The following SEMA5A variants were observed in gnomAD, a reference collection of about 807,000 sequenced individuals.
SEMA5A encodes semaphorin 5A, also known as semaphorin-5A.
Under a neutral mutation model 135.5 loss-of-function variants are expected in SEMA5A, and 55 were observed. The ratio of observed to expected loss-of-function variants is 0.41; its 90% CI spans 0.33 to 0.51. The LOEUF (loss-of-function observed/expected upper bound fraction) is 0.51, where lower values mean the gene tolerates loss of function less well. Among genes scored for constraint, SEMA5A ranks in the 20% least tolerant of loss-of-function variants. The pLI is 0.37. For synonymous variants in SEMA5A, 580 were observed against 546.5 expected, an observed-to-expected ratio of 1.06 and a Z score of -0.85; for missense variants, 1,290 against 1,419.9, an observed-to-expected ratio of 0.91 and a Z score of 1.47.
At chr5:9,538,302 T>C (rs1311844932) in intron 1 of SEMA5A, among the ~76,000 whole-genome samples, 1 of 152,022 alleles carries the variant, frequency 6.6e-6, no homozygotes, top group Non-Finnish European at 1.5e-5. Flanking sequence ...TGGGAAACAC[T>C]CCCCTTTAAA....
intron 16 of SEMA5A, among the ~76,000 whole-genome samples, chr5:9,070,303 G>A (rs532275063): frequency 7.2e-5 from 11 of 152,214 alleles, no homozygotes; most frequent in Non-Finnish European, 1.2e-4. Context: ...TCTGGGAGGC[G>A]GAGGTTGCAG....
At chr5:9,241,698 C>A (rs560976822) in intron 5 of SEMA5A, among the ~76,000 whole-genome samples, 3 of 152,054 alleles carry the variant, frequency 2.0e-5, no homozygotes, top group African/African-American at 4.8e-5. Context: ...AGACATACTA[C>A]GGTTAGGATA....
At chr5:9,502,838 G>A (rs535391642) in intron 1 of SEMA5A, among the ~76,000 whole-genome samples, 7 of 152,260 alleles carry the variant, frequency 4.6e-5, no homozygotes, top group East Asian at 1.9e-4. Context: ...ACAGAGTGAC[G>A]GAGAAGGAAG....
intron 16 of SEMA5A, among the ~76,000 whole-genome samples, chr5:9,068,526 T>C (rs1249401442): frequency 6.6e-6 from 1 of 152,178 alleles, no homozygotes; most frequent in Non-Finnish European, 1.5e-5. Flanking sequence ...CCCAGTTAAC[T>C]GAGCCCAGTG....
chr5:9,345,220 C>T (rs1276993046), intron 3 of SEMA5A, among the ~76,000 whole-genome samples: 2 of 152,182 alleles, frequency 1.3e-5, no homozygotes, highest in Non-Finnish European at 2.9e-5. Context: ...TGCTTCCTAA[C>T]ATTCCTCTTA....
intron 16 of SEMA5A, among the ~76,000 whole-genome samples, chr5:9,099,534 A>C (rs1739508363): frequency 6.6e-6 from 1 of 152,200 alleles, no homozygotes; most frequent in Non-Finnish European, 1.5e-5. Flanking sequence ...AACCTTCTTC[A>C]TAAAGGTCAA....
At chr5:9,394,575 G>A (rs996883169) in intron 2 of SEMA5A, among the ~76,000 whole-genome samples, 77 of 152,058 alleles carry the variant, frequency 5.1e-4, no homozygotes, top group African/African-American at 1.7e-3. Flanking sequence ...ACAACCAACC[G>A]AGCAATAACA....
At chr5:9,535,402 T>C (rs1737704353) in intron 1 of SEMA5A, among the ~76,000 whole-genome samples, 1 of 152,164 alleles carries the variant, frequency 6.6e-6, no homozygotes, top group South Asian at 2.1e-4. Context: ...ACAGCCAAGA[T>C]GGGCTGCCTG....
intron 1 of SEMA5A, among the ~76,000 whole-genome samples, chr5:9,440,405 CAT>C (rs1375934198): frequency 6.6e-6 from 1 of 152,212 alleles, no homozygotes; most frequent in Admixed American, 6.5e-5. Flanking sequence ...TTTTTATAAA[CAT>C]ATAAATTTCT....
intron 2 of SEMA5A, among the ~76,000 whole-genome samples, chr5:9,396,341 A>G (rs1379100437): frequency 1.3e-5 from 2 of 152,040 alleles, no homozygotes; most frequent in Non-Finnish European, 2.9e-5. Flanking sequence ...CCTCTAGGAC[A>G]TTCTCCAAAG....
At chr5:9,353,396 G>GGAAAGGAAA (rs1754299945) in intron 3 of SEMA5A, among the ~76,000 whole-genome samples, 1 of 88,668 alleles carries the variant, frequency 1.1e-5, no homozygotes, top group Non-Finnish European at 2.5e-5. Flanking sequence ...AGGAAAGGAA[G>GGAAAGGAAA]GGAAAGAAAG....
At chr5:9,469,372 G>T (rs191566039) in intron 1 of SEMA5A, among the ~76,000 whole-genome samples, 1 of 152,192 alleles carries the variant, frequency 6.6e-6, no homozygotes, top group African/African-American at 2.4e-5. Context: ...CTAGATTTTA[G>T]TTATGCGGAA....
intron 2 of SEMA5A, among the ~76,000 whole-genome samples, chr5:9,398,051 G>A (rs2126554115): frequency 6.6e-6 from 1 of 152,238 alleles, no homozygotes; most frequent in South Asian, 2.1e-4. Flanking sequence ...ATAAAATAGA[G>A]TGCAATGATA....
rs533399762 is a variant in SEMA5A, at chr5:9,318,259, G to T, written c.270+113C>A. 4.1e-6 allele frequency: 4 copies of T among 978,124 alleles called. No homozygotes were observed. In the East Asian group the frequency reaches 7.7e-5, roughly 19 times the overall value. 60.6% of individuals were successfully genotyped at this position (978,124 alleles called of 1,614,324 possible). A position where few individuals can be genotyped will look rare whatever the true frequency, so the allele number is the denominator to read the frequency against. ...CCGTGGCCTGACCTGCTGAGGAAAC[G>T]AGCCCCTGCTCAGGCTGGATTAACA... is the stretch of plus-strand genomic sequence containing the variant. On this transcript the variant is annotated intron_variant, in intron 5 of 22. Coordinates refer to ENST00000382496, the MANE Select transcript of SEMA5A (RefSeq NM_003966.3).
chr5:9,382,595 A>G (rs1308757811), intron 2 of SEMA5A, among the ~76,000 whole-genome samples: 1 of 152,218 alleles, frequency 6.6e-6, no homozygotes, highest in African/African-American at 2.4e-5. Flanking sequence ...TAGAAAAATT[A>G]AGGGTTAATT....
chr5:9,403,670 T>C (rs1277324997), intron 2 of SEMA5A, among the ~76,000 whole-genome samples: 1 of 152,168 alleles, frequency 6.6e-6, no homozygotes, highest in Admixed American at 6.5e-5. Context: ...TTTTAAGCCA[T>C]CTCATGCTCT....
At chr5:9,322,064 C>T (rs962773224) in intron 4 of SEMA5A, among the ~76,000 whole-genome samples, 6 of 152,224 alleles carry the variant, frequency 3.9e-5, no homozygotes, top group Non-Finnish European at 7.4e-5. Flanking sequence ...ACACAGAGAT[C>T]GCCATCCACA....
chr5:9,294,540 G>T (rs900240977), intron 5 of SEMA5A, among the ~76,000 whole-genome samples: 1 of 152,154 alleles, frequency 6.6e-6, no homozygotes, highest in African/African-American at 2.4e-5. Context: ...TCTACACTTG[G>T]AATGTCTCAA....
chr5:9,515,942 G>A (rs1736487044), intron 1 of SEMA5A, among the ~76,000 whole-genome samples: 1 of 152,156 alleles, frequency 6.6e-6, no homozygotes, highest in Admixed American at 6.5e-5. Flanking sequence ...GTGGGACAGG[G>A]ACACTTTTCT....
Sources: gnomAD v4.1 joint callset for allele counts (sites outside exome capture counted in the v4.1 genomes callset) on GRCh38, gnomAD v4.1.1 for gene constraint, MANE v1.5 for transcripts, NCBI Gene and HGNC (gene_info 2026-07-23, HGNC 2026-07-21) for gene names.